Variants in FAM120A observed in about 807,000 individuals in gnomAD.
FAM120A encodes constitutive coactivator of PPAR-gamma-like protein 1.
FAM120A carries 15 observed loss-of-function variants against 109.7 expected under a neutral mutation model. The observed-to-expected ratio is 0.14, with a 90% CI of 0.09 to 0.21. The LOEUF is 0.21. Among genes scored for constraint, FAM120A ranks in the 10% least tolerant of loss-of-function variants. FAM120A has a pLI of 1.00. For missense variants in FAM120A, 899 were observed against 1,439.3 expected, an observed-to-expected ratio of 0.62 and a Z score of 6.07; for synonymous variants, 493 against 572.8, an observed-to-expected ratio of 0.86 and a Z score of 1.99.
rs1051571693 is a variant in FAM120A at position 93,496,204 on chromosome 9, TCAA to T, written c.805-1265_805-1263del. ...TCAAAGCCATTCACGAGGGTTGGAA[TCAA>T]CCAAGTCTTCCAAGCTCCTGTTAAG... On this transcript the variant is annotated intron_variant, in intron 3 of 17. Transcript: ENST00000277165. Among the ~76,000 whole-genome samples, 152 of 152,368 alleles carry T rather than the reference TCAA, an allele frequency of 1.0e-3. 1 individual carries two copies. Among genetic ancestry groups the T allele is most frequent in the African/African-American group, 3.6e-3 (151 of 41,584 alleles).
At chr9:93,495,914 A>G (rs10117404) in intron 3 of FAM120A, among the ~76,000 whole-genome samples, 3,465 of 152,338 alleles carry the variant, frequency 0.023, 132 homozygotes, top group African/African-American at 0.078. Flanking sequence ...AAACCCTGCC[A>G]CTGCTTTATC....
chr9:93,479,061 T>C (rs1379962362), intron 3 of FAM120A, among the ~76,000 whole-genome samples: 2 of 151,406 alleles, frequency 1.3e-5, no homozygotes, highest in South Asian at 2.1e-4. Context: ...TATGTTGAAA[T>C]GATGAGAGGT....
chr9:93,543,400 G>A lies in FAM120A; in HGVS notation c.2088G>A (p.Arg696=). The change falls in exon 11 of 18, where the codon AGG becomes AGA. Residue 696 remains arginine (R), a synonymous_variant. Coordinates refer to ENST00000277165, the MANE Select transcript of FAM120A (RefSeq NM_014612.5). ...TGAGGGCCTTCCTGGCCTGCATGAG[G>A]TCGGACACCCCAGCCATGCTCAACC... The part of the protein sequence containing the change: ...RRMRAFLACM[R]SDTPAMLNPA... 2 of 1,614,186 alleles carry A rather than the reference G, an allele frequency of 1.2e-6. No homozygotes were observed.
chr9:93,486,190 G>A (rs1859041863), intron 3 of FAM120A, among the ~76,000 whole-genome samples: 1 of 151,532 alleles, frequency 6.6e-6, no homozygotes, highest in Non-Finnish European at 1.5e-5. Context: ...GCCCAGGCTG[G>A]TCTCGAACTC....
At chr9:93,518,465 A>G (rs1473977232) in intron 7 of FAM120A, among the ~76,000 whole-genome samples, 1 of 152,052 alleles carries the variant, frequency 6.6e-6, no homozygotes, top group African/African-American at 2.4e-5. Context: ...TTGAATGAGG[A>G]CCCCGGGACC....
At position 93,452,722 on chromosome 9, in the gene FAM120A, G is replaced by T. The variant is rs1190974542; in HGVS notation, c.474+333G>T. On this transcript the variant is annotated intron_variant, in intron 1 of 17. Transcript: ENST00000277165. The surrounding 1 kb of genome is among the most constrained non-coding windows in gnomAD (Gnocchi z 7.0). ...TAGTTTTTCCCATCCTATTTGAGGC[G>T]GGCAGGCTATCACTCACCTTCAACT... The T allele has an allele frequency of 1.9e-6, 3 of 1,598,340 alleles. No homozygotes were observed. The South Asian group carries it at 3.3e-5, about 18-fold the overall frequency.
chr9:93,461,738 C>T (rs1204187405), intron 1 of FAM120A, among the ~76,000 whole-genome samples: 4 of 152,056 alleles, frequency 2.6e-5, no homozygotes, highest in African/African-American at 9.7e-5. Context: ...ATTCGAACAT[C>T]CCAAATCTGA....
At chr9:93,485,497 T>C (rs969758830) in intron 3 of FAM120A, among the ~76,000 whole-genome samples, 1 of 152,110 alleles carries the variant, frequency 6.6e-6, no homozygotes, top group Non-Finnish European at 1.5e-5. Flanking sequence ...CTTGACAGAC[T>C]GAAGTGGAAG....
At chr9:93,514,956 G>A (rs2131404028) in intron 5 of FAM120A, among the ~76,000 whole-genome samples, 2 of 152,344 alleles carry the variant, frequency 1.3e-5, no homozygotes, top group East Asian at 3.9e-4. Context: ...TCCTCTATGT[G>A]GCTTTCAGTC....
At chr9:93,508,001 A>G (rs1281812757) in intron 5 of FAM120A, among the ~76,000 whole-genome samples, 1 of 152,072 alleles carries the variant, frequency 6.6e-6, no homozygotes, top group Non-Finnish European at 1.5e-5. Flanking sequence ...ATGACTACTG[A>G]GAGAGAGGGG....
chr9:93,561,916 G>A (rs1261238233), intron 16 of FAM120A, among the ~76,000 whole-genome samples: 1 of 152,080 alleles, frequency 6.6e-6, no homozygotes, highest in Non-Finnish European at 1.5e-5. Flanking sequence ...CATTGGATAT[G>A]AACCAAAAAA....
chr9:93,530,667 C>G (rs1224197210), intron 9 of FAM120A: 1 of 152,190 alleles, frequency 6.6e-6, no homozygotes, highest in Non-Finnish European at 1.5e-5. Context: ...TTTATAGTAT[C>G]ACTTTTCAGA....
At chr9:93,524,189 G>T (rs559149331) in intron 7 of FAM120A, among the ~76,000 whole-genome samples, 1 of 152,194 alleles carries the variant, frequency 6.6e-6, no homozygotes, top group African/African-American at 2.4e-5. Context: ...TAAATTTAAT[G>T]ATTTATTTTC....
intron 5 of FAM120A, among the ~76,000 whole-genome samples, chr9:93,503,610 A>G (rs1156254395): frequency 6.6e-6 from 1 of 152,124 alleles, no homozygotes; most frequent in African/African-American, 2.4e-5. Context: ...TTTTTGGGGC[A>G]GTGAAACTAT....
At chr9:93,561,794 A>G (rs1188565295) in intron 16 of FAM120A, among the ~76,000 whole-genome samples, 1 of 152,124 alleles carries the variant, frequency 6.6e-6, no homozygotes, top group African/African-American at 2.4e-5. Flanking sequence ...ATAATTAACC[A>G]TACAATTTTC....
At chr9:93,484,652 C>T (rs1395768391) in intron 3 of FAM120A, among the ~76,000 whole-genome samples, 4 of 152,164 alleles carry the variant, frequency 2.6e-5, no homozygotes, top group Non-Finnish European at 1.5e-5. Flanking sequence ...TGGCTTACTG[C>T]AACCTCTGCT....
intron 1 of FAM120A, among the ~76,000 whole-genome samples, chr9:93,467,548 G>A (rs1217580398): frequency 1.3e-5 from 2 of 152,104 alleles, no homozygotes; most frequent in South Asian, 2.1e-4. Flanking sequence ...TTACTCAGGA[G>A]ACTTGGGATA....
At chr9:93,558,080 T>C (rs1308352151) in intron 14 of FAM120A, 70 bp downstream of exon 14, 3 of 1,424,710 alleles carry the variant, frequency 2.1e-6, no homozygotes, top group South Asian at 1.4e-5. Context: ...GCAGCCCTTA[T>C]AGGCAAGCCC....
intron 10 of FAM120A, among the ~76,000 whole-genome samples, chr9:93,542,929 A>G (rs1267885308): frequency 1.3e-5 from 2 of 152,248 alleles, no homozygotes; most frequent in Admixed American, 6.5e-5. Flanking sequence ...GATTTTGTCT[A>G]ACATCTTGAT....
Sources: gnomAD v4.1 joint callset for allele counts (sites outside exome capture counted in the v4.1 genomes callset) on GRCh38, gnomAD v4.1.1 for gene constraint, Gnocchi (gnomAD v3.1) non-coding constraint, MANE v1.5 for transcripts, NCBI Gene and HGNC (gene_info 2026-07-23, HGNC 2026-07-21) for gene names.